The following MAPK10 variants were observed in gnomAD, a reference collection of about 807,000 sequenced individuals.
MAPK10 encodes the protein mitogen-activated protein kinase 10, also known as JNK3 alpha protein kinase.
Under a neutral mutation model 59.3 loss-of-function variants are expected in MAPK10, and 25 were observed. The ratio of observed to expected loss-of-function variants is 0.42; its 90% confidence interval spans 0.31 to 0.59. MAPK10 has a LOEUF of 0.59. MAPK10 is among the 20% of genes least tolerant of loss of function. The probability of loss-of-function intolerance (pLI) is 0.15; values close to 1 mark genes in which losing one functional copy is unlikely to be tolerated. For missense variants in MAPK10, 351 were observed against 568.9 expected, an observed-to-expected ratio of 0.62 and a Z score of 3.90; for synonymous variants, 190 against 200.5, an observed-to-expected ratio of 0.95 and a Z score of 0.44.
chr4:86,406,846 C>T lies in MAPK10; in HGVS notation c.-122+46184G>A, dbSNP rs558239540. Among the ~76,000 whole-genome samples the T allele has an allele frequency of 2.6e-5, 4 of 152,302 alleles. No individual in the cohort carries two copies. In the East Asian group the frequency reaches 7.7e-4, roughly 29 times the overall value. On this transcript the variant is annotated intron_variant, in intron 1 of 13. Transcript: ENST00000361569. ...AACTGCACAGCCCAGTGGTGGCAGG[C>T]TGGGCAGGAAAACTGCAACCACTTA... is the stretch of plus-strand genomic sequence containing the variant.
At chr4:86,538,975 T>G (rs906830143) in intron 1 of MAPK10, among the ~76,000 whole-genome samples, 1 of 152,156 alleles carries the variant, frequency 6.6e-6, no homozygotes, top group African/African-American at 2.4e-5. Context: ...CTTATCAAAT[T>G]AAAAATCTTT....
At chr4:86,297,060 A>G (rs540223019) in intron 2 of MAPK10, among the ~76,000 whole-genome samples, 76 of 152,196 alleles carry the variant, frequency 5.0e-4, no homozygotes, top group South Asian at 2.9e-3. Flanking sequence ...GGGGCCTGAA[A>G]ATTAGCATTT....
chr4:86,202,872 C>T (rs529205798), intron 2 of MAPK10, among the ~76,000 whole-genome samples: 1 of 152,058 alleles, frequency 6.6e-6, no homozygotes, highest in East Asian at 1.9e-4. Context: ...AAAGTCACTG[C>T]GTAACCTTCT....
intron 1 of MAPK10, among the ~76,000 whole-genome samples, chr4:86,437,147 G>A (rs7679269): frequency 1.3e-5 from 2 of 150,000 alleles, no homozygotes; most frequent in Non-Finnish European, 3.0e-5. Context: ...CTGGGAGGTG[G>A]AGCTTGCAGT....
chr4:86,334,068 T>C (rs1348443459), intron 2 of MAPK10, among the ~76,000 whole-genome samples: 1 of 152,164 alleles, frequency 6.6e-6, no homozygotes, highest in Non-Finnish European at 1.5e-5. Flanking sequence ...AACATATGTA[T>C]GCAACTGCCT....
At chr4:86,293,059 T>C (rs2095270017) in intron 2 of MAPK10, among the ~76,000 whole-genome samples, 1 of 152,194 alleles carries the variant, frequency 6.6e-6, no homozygotes, top group Non-Finnish European at 1.5e-5. Context: ...ACTATGTCTA[T>C]AGTTTAAACA....
chr4:86,284,183 T>G (rs1317630926), intron 2 of MAPK10, among the ~76,000 whole-genome samples: 4 of 152,142 alleles, frequency 2.6e-5, no homozygotes, highest in Non-Finnish European at 5.9e-5. Flanking sequence ...AAAAACTATA[T>G]GAGGAACATG....
chr4:86,114,324 G>A (rs1312630604), intron 4 of MAPK10, among the ~76,000 whole-genome samples: 1 of 152,194 alleles, frequency 6.6e-6, no homozygotes, highest in Non-Finnish European at 1.5e-5. Flanking sequence ...CAGCATATTT[G>A]CATTGATTCT....
rs1020737859 is a variant in MAPK10 at position 86,409,707 on chromosome 4, A to G, written c.-122+43323T>C. Among the ~76,000 whole-genome samples the G allele has an allele frequency of 1.1e-4, 17 of 151,970 alleles. 1 individual carries two copies. The highest frequency in any genetic ancestry group is 9.8e-4 in the Admixed American group (15 of 15,242). On this transcript the variant is annotated intron_variant, in intron 1 of 13. Transcript: ENST00000361569. The stretch of plus-strand genomic sequence containing the variant: ...TCATGATTTGGCTCTCTGTTTGCCT[A>G]TTATTGGTGTATAGGAATGCTTGTG...
chr4:86,060,082 A>G (rs1246700076), intron 11 of MAPK10, among the ~76,000 whole-genome samples: 1 of 152,136 alleles, frequency 6.6e-6, no homozygotes, highest in Non-Finnish European at 1.5e-5. Context: ...TATCTGGTTG[A>G]TCACCACTGG....
At chr4:86,089,262 A>G in intron 9 of MAPK10, 1 of 1,612,204 alleles carries the variant, frequency 6.2e-7, no homozygotes, top group Non-Finnish European at 8.5e-7. Flanking sequence ...GATGCACCCT[A>G]CTGACCACAT....
chr4:86,085,604 T>C (rs2051623908), intron 9 of MAPK10, among the ~76,000 whole-genome samples: 1 of 152,142 alleles, frequency 6.6e-6, no homozygotes, highest in South Asian at 2.1e-4. Flanking sequence ...CAACAAATGC[T>C]GGTGAAGATG....
At chr4:86,466,140 A>T (rs994959755) in intron 1 of MAPK10, among the ~76,000 whole-genome samples, 15 of 152,210 alleles carry the variant, frequency 9.9e-5, no homozygotes, top group African/African-American at 3.4e-4. Context: ...TACTCCTATA[A>T]TTGAGGCATA....
intron 1 of MAPK10, among the ~76,000 whole-genome samples, chr4:86,540,352 T>A (rs766750152): frequency 6.6e-6 from 1 of 151,772 alleles, no homozygotes; most frequent in Non-Finnish European, 1.5e-5. Flanking sequence ...TACAACAAAT[T>A]AGCCGGGTAT....
At chr4:86,177,772 T>G (rs917442226) in intron 3 of MAPK10, among the ~76,000 whole-genome samples, 7 of 152,042 alleles carry the variant, frequency 4.6e-5, no homozygotes, top group African/African-American at 1.7e-4. Context: ...ATCCTGAAAT[T>G]TCCAAAGATT....
At chr4:86,448,287 A>G (rs1473509490) in intron 1 of MAPK10, among the ~76,000 whole-genome samples, 1 of 151,388 alleles carries the variant, frequency 6.6e-6, no homozygotes, top group African/African-American at 2.4e-5. Context: ...TGCCTAGCAA[A>G]TCCTCCCTAA....
intron 4 of MAPK10, among the ~76,000 whole-genome samples, chr4:86,156,093 G>A (rs1007021783): frequency 9.9e-5 from 15 of 151,946 alleles, no homozygotes; most frequent in Admixed American, 3.9e-4. Flanking sequence ...TAATATTTTC[G>A]TATCCTAGTT....
chr4:86,120,265 TTG>T (rs1476848400), intron 4 of MAPK10: 29 of 152,314 alleles, frequency 1.9e-4, no homozygotes, highest in African/African-American at 6.7e-4. Context: ...CAAAACCACT[TTG>T]TGCTTGGTAG....
At chr4:86,450,047 G>C (rs1750522278) in intron 1 of MAPK10, among the ~76,000 whole-genome samples, 1 of 152,218 alleles carries the variant, frequency 6.6e-6, no homozygotes, top group Non-Finnish European at 1.5e-5. Flanking sequence ...ACTCTAAGCA[G>C]AGGAACTAGC....
Sources: allele counts gnomAD v4.1 joint callset (sites outside exome capture counted in the v4.1 genomes callset), GRCh38; gene constraint gnomAD v4.1.1; transcripts MANE v1.5; gene names NCBI Gene and HGNC (gene_info 2026-07-23, HGNC 2026-07-21).